GALK2: variants seen among roughly 807,000 people sequenced by gnomAD.
GALK2 encodes N-acetylgalactosamine kinase.
GALK2 carries 36 observed loss-of-function variants against 52.4 expected under a neutral mutation model. That is an observed-to-expected ratio of 0.69 (90% CI 0.53 to 0.91). GALK2 has a LOEUF of 0.91. Among genes scored for constraint, GALK2 ranks in the 40% least tolerant of loss-of-function variants. The probability of loss-of-function intolerance (pLI) is 0.00; values close to 1 mark genes in which losing one functional copy is unlikely to be tolerated. For missense variants in GALK2, 579 were observed against 559.1 expected (o/e 1.04, Z -0.36); for synonymous variants, 176 against 199.1 (o/e 0.88, Z 0.98).
intron 9 of GALK2, among the ~76,000 whole-genome samples, chr15:49,323,821 C>G (rs2037105070): frequency 6.6e-6 from 1 of 151,974 alleles, no homozygotes; most frequent in Non-Finnish European, 1.5e-5. Flanking sequence ...AAGAAAGGAG[C>G]AGGGAGGATG....
At chr15:49,349,020 G>T (rs1277226614) in intron 3 of GALK2, among the ~76,000 whole-genome samples, 2 of 152,032 alleles carry the variant, frequency 1.3e-5, no homozygotes, top group African/African-American at 4.8e-5. Context: ...AAAAAATGAT[G>T]TAACTCACTC....
At chr15:49,353,392 A>G (rs1039657643) in intron 3 of GALK2, 1 of 152,106 alleles carries the variant, frequency 6.6e-6, no homozygotes, top group African/African-American at 2.4e-5. Context: ...TTTTCAGACA[A>G]TTAGAGGAAA....
intron 1 of GALK2, among the ~76,000 whole-genome samples, chr15:49,192,915 A>G (rs1292306080): frequency 6.6e-6 from 1 of 151,520 alleles, no homozygotes; most frequent in East Asian, 1.9e-4. Flanking sequence ...ATCCCCAAGT[A>G]CTGGGATTAC....
intron 3 of GALK2, among the ~76,000 whole-genome samples, chr15:49,340,731 A>T (rs961298363): frequency 1.3e-5 from 2 of 152,064 alleles, no homozygotes; most frequent in African/African-American, 2.4e-5. Flanking sequence ...GACTACGTTG[A>T]TGTTTTATAT....
chr15:49,183,096 TG>T (rs1239670393), intron 1 of GALK2, among the ~76,000 whole-genome samples: 1 of 152,172 alleles, frequency 6.6e-6, no homozygotes, highest in Non-Finnish European at 1.5e-5. Context: ...CAATGTTTTT[TG>T]TTTATCTTTT....
At chr15:49,248,855 A>G (rs1033895535) in intron 5 of GALK2, among the ~76,000 whole-genome samples, 5 of 152,164 alleles carry the variant, frequency 3.3e-5, no homozygotes, top group African/African-American at 9.7e-5. Context: ...GCAAACAAGC[A>G]TAATTAGGGA....
At chr15:49,174,675 T>G (rs1232304052) in intron 1 of GALK2, among the ~76,000 whole-genome samples, 1 of 152,144 alleles carries the variant, frequency 6.6e-6, no homozygotes, top group East Asian at 1.9e-4. Context: ...ACTCTTTTTA[T>G]ATGTGTGTAT....
intron 5 of GALK2, among the ~76,000 whole-genome samples, chr15:49,271,450 A>T (rs770174410): frequency 1.3e-4 from 20 of 152,200 alleles, no homozygotes; most frequent in Non-Finnish European, 2.5e-4. Flanking sequence ...GTATGCAGGG[A>T]AGGCTTTGGG....
At chr15:49,168,446 C>T (rs112067589), upstream of GALK2, among the ~76,000 whole-genome samples, 10,315 of 152,092 alleles carry the variant, frequency 0.068, 734 homozygotes, top group African/African-American at 0.17. Context: ...GGGCTGGGCA[C>T]GGTGGCTCAC....
chr15:49,167,979 T>C (rs2084877064), upstream of GALK2, among the ~76,000 whole-genome samples: 1 of 152,222 alleles, frequency 6.6e-6, no homozygotes, highest in Non-Finnish European at 1.5e-5. Flanking sequence ...CAATAATTTA[T>C]TTTTAAGCAC....
chr15:49,250,414 A>G (rs1289110575), intron 5 of GALK2, among the ~76,000 whole-genome samples: 1 of 152,194 alleles, frequency 6.6e-6, no homozygotes, highest in African/African-American at 2.4e-5. Flanking sequence ...TAAAAAAATT[A>G]CTGTTAAGCA....
rs765407724 is a variant in GALK2, at chr15:49,195,134, C to T, written c.54-6028C>T. ...GCTGGAGGCTAGAGTGCAAGTGGCA[C>T]GATCTTGGCTCACTGCAACCTCCGC... On this transcript the variant is annotated intron_variant, in intron 1 of 9. Transcript: ENST00000560031. 7.8e-5 allele frequency: 35 copies of T among 450,960 alleles called. 1 individual carries two copies. Among genetic ancestry groups the T allele is most frequent in the South Asian group, 4.8e-4 (31 of 64,300 alleles). The allele number at this position is 450,960 out of a possible 1,614,324, so 27.9% of individuals were successfully genotyped here. A position where few individuals can be genotyped will look rare whatever the true frequency, so the allele number is the denominator to read the frequency against.
At chr15:49,191,865 T>A (rs930784545) in intron 1 of GALK2, among the ~76,000 whole-genome samples, 2 of 147,006 alleles carry the variant, frequency 1.4e-5, no homozygotes, top group South Asian at 4.2e-4. Flanking sequence ...TTTCTGTGTT[T>A]TTTTTTTCCA....
intron 1 of GALK2, among the ~76,000 whole-genome samples, chr15:49,174,821 T>TGATA (rs2085334276): frequency 6.6e-6 from 1 of 152,238 alleles, no homozygotes; most frequent in Non-Finnish European, 1.5e-5. Context: ...ATAATAATGA[T>TGATA]GATAGCATCT....
intron 9 of GALK2, among the ~76,000 whole-genome samples, chr15:49,323,339 ATGTT>A (rs2037058786): frequency 6.6e-6 from 1 of 152,150 alleles, no homozygotes; most frequent in Non-Finnish European, 1.5e-5. Context: ...ACCATTAAAA[ATGTT>A]AACATCAGTA....
At chr15:49,358,487 A>G (rs2151378765) in intron 3 of GALK2, among the ~76,000 whole-genome samples, 1 of 145,566 alleles carries the variant, frequency 6.9e-6, no homozygotes, top group South Asian at 2.3e-4. Flanking sequence ...CCCATTCACA[A>G]TTGCTTCAAA....
At chr15:49,353,613 G>GTT (rs2042577483) in intron 3 of GALK2, 3 of 127,648 alleles carry the variant, frequency 2.4e-5, no homozygotes, top group Non-Finnish European at 5.0e-5. Context: ...GGAAAATAAG[G>GTT]GTTTTTTTTT....
At chr15:49,237,974 G>T (rs1273662038) in intron 4 of GALK2, among the ~76,000 whole-genome samples, 4 of 152,110 alleles carry the variant, frequency 2.6e-5, no homozygotes, top group Non-Finnish European at 5.9e-5. Flanking sequence ...AAATCAGGAA[G>T]AGAAGTACAC....
At chr15:49,326,395 G>T (rs1298006491) in intron 9 of GALK2, among the ~76,000 whole-genome samples, 1 of 151,900 alleles carries the variant, frequency 6.6e-6, no homozygotes, top group Non-Finnish European at 1.5e-5. Context: ...GAGTAGCTGG[G>T]ATTACAGGTG....
Sources: allele counts gnomAD v4.1 joint callset (sites outside exome capture counted in the v4.1 genomes callset), GRCh38; gene constraint gnomAD v4.1.1; transcripts MANE v1.5; gene names NCBI Gene and HGNC (gene_info 2026-07-23, HGNC 2026-07-21).